CENPP: variants seen among roughly 807,000 people sequenced by gnomAD.
CENPP encodes the protein centromere protein P.
CENPP carries 24 observed loss-of-function variants against 35.6 expected under a neutral mutation model. The observed-to-expected ratio is 0.67, with a 90% CI of 0.49 to 0.95. The LOEUF (loss-of-function observed/expected upper bound fraction) is 0.95. Among genes scored for constraint, CENPP ranks in the 40% least tolerant of loss-of-function variants. CENPP has a pLI of 0.00. For missense variants in CENPP, 332 were observed against 345.3 expected (o/e 0.96, Z 0.31); for synonymous variants, 120 against 125.5 (o/e 0.96, Z 0.29).
chr9:92,472,743 A>G (rs979932939), intron 5 of CENPP, among the ~76,000 whole-genome samples: 5 of 152,186 alleles, frequency 3.3e-5, no homozygotes, highest in African/African-American at 1.2e-4. Flanking sequence ...GGGTAACTTG[A>G]TGAATTAGCA....
chr9:92,612,236 A>G (rs1038977301), intron 6 of CENPP, among the ~76,000 whole-genome samples: 1 of 152,212 alleles, frequency 6.6e-6, no homozygotes, highest in Non-Finnish European at 1.5e-5. Context: ...TGGCTTGTCC[A>G]TGTCTGCTCC....
chr9:92,567,379 T>TATAG lies in CENPP; in HGVS notation c.565-43932_565-43931insGATA, dbSNP rs1554688269. On this transcript the variant is annotated intron_variant, in intron 5 of 7. Coordinates refer to ENST00000375587, the MANE Select transcript of CENPP (RefSeq NM_001012267.3). ...TATACAGTTACATAAGATAGATATA[T>TATAG]ATATATATATATATATAGATATATA... Among the ~76,000 whole-genome samples the TATAG allele has an allele frequency of 1.2e-4, 11 of 90,456 alleles. 1 individual carries two copies. The highest frequency in any genetic ancestry group is 4.4e-5 in the Non-Finnish European group (2 of 45,286). 59.3% of individuals were successfully genotyped at this position (90,456 alleles called of 152,430 possible).
chr9:92,390,506 A>G (rs910971830), intron 5 of CENPP, among the ~76,000 whole-genome samples: 25 of 152,230 alleles, frequency 1.6e-4, no homozygotes, highest in African/African-American at 6.0e-4. Context: ...CTTAACAACA[A>G]CAAAGACAAA....
chr9:92,605,257 G>A (rs72754489), intron 5 of CENPP, among the ~76,000 whole-genome samples: 6,114 of 152,248 alleles, frequency 0.04, 185 homozygotes, highest in South Asian at 0.11. Flanking sequence ...CCAAAGTGCC[G>A]TAATTACAGG....
Position 92,494,060 on chromosome 9 carries a change from G to C in CENPP, c.564+114201G>C, listed in dbSNP as rs745639353. 5.0e-6 allele frequency: 8 copies of C among 1,595,452 alleles called. No homozygotes were observed. In the South Asian group the frequency reaches 8.9e-5, roughly 18 times the overall value. On this transcript the variant is annotated intron_variant, in intron 5 of 7. Transcript: ENST00000375587. ...ACAGCACTTGCCTGCTTACTTGTCT[G>C]TTTGATTTCCTGCTTATTGCCTCTA...
At chr9:92,546,650 C>T (rs960427190) in intron 5 of CENPP, among the ~76,000 whole-genome samples, 3 of 152,168 alleles carry the variant, frequency 2.0e-5, no homozygotes, top group Non-Finnish European at 4.4e-5. Context: ...GACACGCTGC[C>T]TTTAAGAACT....
intron 5 of CENPP, among the ~76,000 whole-genome samples, chr9:92,408,334 C>T (rs1410528714): frequency 1.3e-5 from 2 of 152,078 alleles, no homozygotes; most frequent in African/African-American, 2.4e-5. Context: ...TACAGGCATG[C>T]GCCACCACGC....
chr9:92,424,744 G>A (rs964392971), intron 5 of CENPP, among the ~76,000 whole-genome samples: 1 of 152,064 alleles, frequency 6.6e-6, no homozygotes, highest in Admixed American at 6.6e-5. Flanking sequence ...GTGCAACCTC[G>A]GCTCACCACA....
chr9:92,442,433 A>AC lies in CENPP; in HGVS notation c.564+62576dup, dbSNP rs1554763457. 1.5e-4 allele frequency among the ~76,000 whole-genome samples: 22 copies of AC among 148,676 alleles called. 1 individual carries two copies. In the East Asian group the frequency reaches 1.8e-3, roughly 12 times the overall value. On this transcript the variant is annotated intron_variant, in intron 5 of 7. Coordinates refer to ENST00000375587, the MANE Select transcript of CENPP (RefSeq NM_001012267.3). ...AAAAAAAAAGAAAAAACAAAAAAAA[A>AC]CCACTCCATTATGATCAAGTGGGAT... is the stretch of plus-strand genomic sequence containing the variant.
At chr9:92,352,144 C>T (rs1403806898) in intron 4 of CENPP, among the ~76,000 whole-genome samples, 1 of 149,646 alleles carries the variant, frequency 6.7e-6, no homozygotes, top group Non-Finnish European at 1.5e-5. Flanking sequence ...CCAAGGTGGG[C>T]ACATCACCTG....
intron 4 of CENPP, among the ~76,000 whole-genome samples, chr9:92,369,076 G>C (rs1310722143): frequency 6.6e-6 from 1 of 152,110 alleles, no homozygotes; most frequent in African/African-American, 2.4e-5. Context: ...TATTGTAATA[G>C]CTTTTATTAT....
chr9:92,613,191 G>A lies in CENPP; in HGVS notation c.*42G>A. The A allele has an allele frequency of 4.3e-6, 7 of 1,611,758 alleles. No homozygotes were observed. The highest frequency in any genetic ancestry group is 5.9e-6 in the Non-Finnish European group (7 of 1,178,124). ...GTGGAGGATGAAGATGCTGCGTGGAGGAACATGCAATTTTATTCAATATAA... is the reference window on the plus strand; with the variant it reads ...GTGGAGGATGAAGATGCTGCGTGGAAGAACATGCAATTTTATTCAATATAA... On this transcript the variant is annotated 3_prime_UTR_variant, in exon 8 of 8. Transcript: ENST00000375587.
At position 92,553,757 on chromosome 9, in the gene CENPP, A is replaced by G. The variant is rs1267868680; in HGVS notation, c.565-57557A>G. On this transcript the variant is annotated intron_variant, in intron 5 of 7. Transcript: ENST00000375587. Reference sequence around the variant, plus strand: ...ATAGAAGAGCTACTGATTTGTATACATTAATCTTGTTTCTGGAAACTTTGC... The same window carrying G: ...ATAGAAGAGCTACTGATTTGTATACGTTAATCTTGTTTCTGGAAACTTTGC... 2.6e-5 allele frequency among the ~76,000 whole-genome samples: 4 copies of G among 152,310 alleles called. No individual in the cohort carries two copies. The South Asian group carries it at 6.2e-4, about 24-fold the overall frequency.
chr9:92,500,602 A>T, intron 5 of CENPP: 3 of 932,070 alleles, frequency 3.2e-6, no homozygotes, highest in African/African-American at 1.7e-5. Context: ...AATCTTGTTT[A>T]ATCCAACCCC....
chr9:92,462,064 G>A (rs374562029), intron 5 of CENPP, among the ~76,000 whole-genome samples: 3 of 151,880 alleles, frequency 2.0e-5, no homozygotes, highest in African/African-American at 4.8e-5. Context: ...TGCAGCCTCC[G>A]CCTCCCAGGT....
chr9:92,352,332 T>C (rs958408106), intron 4 of CENPP, among the ~76,000 whole-genome samples: 2 of 150,140 alleles, frequency 1.3e-5, no homozygotes, highest in African/African-American at 4.9e-5. Context: ...ATTGTGCCAC[T>C]GCACTCCTCT....
At chr9:92,379,016 G>C (rs1842186122) in intron 4 of CENPP, among the ~76,000 whole-genome samples, 1 of 152,152 alleles carries the variant, frequency 6.6e-6, no homozygotes, top group Non-Finnish European at 1.5e-5. Flanking sequence ...GGACCAACTG[G>C]CCATAAATTC....
chr9:92,595,669 G>A (rs1031905081), intron 5 of CENPP, among the ~76,000 whole-genome samples: 2 of 151,748 alleles, frequency 1.3e-5, no homozygotes, highest in African/African-American at 2.4e-5. Flanking sequence ...GGGTTCAAGC[G>A]ATTCTCCTGC....
intron 5 of CENPP, chr9:92,493,482 A>G (rs755126774): frequency 6.6e-6 from 1 of 152,198 alleles, no homozygotes; most frequent in Non-Finnish European, 1.5e-5. Flanking sequence ...CTTATTGATA[A>G]TAAGCCAAAT....
Sources: allele counts gnomAD v4.1 joint callset (sites outside exome capture counted in the v4.1 genomes callset), GRCh38; gene constraint gnomAD v4.1.1; transcripts MANE v1.5; gene names NCBI Gene and HGNC (gene_info 2026-07-23, HGNC 2026-07-21).